Variants in TAFA2 observed in about 807,000 individuals in gnomAD.
TAFA2 encodes the protein TAFA chemokine like family member 2.
Under a neutral mutation model 18.8 loss-of-function variants are expected in TAFA2, and 7 were observed. The ratio of observed to expected loss-of-function variants is 0.37; its 90% CI spans 0.21 to 0.70. TAFA2 has a LOEUF of 0.70. Among genes scored for constraint, TAFA2 ranks in the 30% least tolerant of loss-of-function variants. The probability of loss-of-function intolerance (pLI) is 0.53; values close to 1 mark genes in which losing one functional copy is unlikely to be tolerated. For missense variants in TAFA2, 122 were observed against 158.1 expected, an observed-to-expected ratio of 0.77 and a Z score of 1.23; for synonymous variants, 60 against 54.2, an observed-to-expected ratio of 1.11 and a Z score of -0.47.
intron 1 of TAFA2, among the ~76,000 whole-genome samples, chr12:62,235,868 C>T (rs1033977458): frequency 6.6e-6 from 1 of 151,966 alleles, no homozygotes; most frequent in Non-Finnish European, 1.5e-5. Flanking sequence ...GGGTTCATGG[C>T]ACTGCACCCA....
chr12:61,866,834 A>G (rs1874374099), intron 2 of TAFA2, among the ~76,000 whole-genome samples: 1 of 152,216 alleles, frequency 6.6e-6, no homozygotes. Flanking sequence ...CACTTTCTTT[A>G]CCAGGATAAG....
intron 2 of TAFA2, among the ~76,000 whole-genome samples, chr12:61,806,980 C>A (rs1043494319): frequency 6.6e-6 from 1 of 152,098 alleles, no homozygotes; most frequent in South Asian, 2.1e-4. Flanking sequence ...CCTGATAATG[C>A]GATAGAAAAG....
At chr12:62,123,010 C>T (rs1870268906) in intron 1 of TAFA2, among the ~76,000 whole-genome samples, 1 of 152,178 alleles carries the variant, frequency 6.6e-6, no homozygotes, top group Non-Finnish European at 1.5e-5. Context: ...TTTCTAGGCT[C>T]TTCCAGCTAC....
intron 4 of TAFA2, among the ~76,000 whole-genome samples, chr12:61,746,253 C>T (rs10877732): frequency 0.34 from 52,168 of 151,890 alleles, 9,268 homozygotes; most frequent in Non-Finnish European, 0.39. Context: ...TCCATCCTGC[C>T]GCCCTGTGAA....
At chr12:62,030,050 C>G (rs1040904150) in intron 1 of TAFA2, among the ~76,000 whole-genome samples, 1 of 152,132 alleles carries the variant, frequency 6.6e-6, no homozygotes, top group African/African-American at 2.4e-5. Flanking sequence ...ACTACCTCTT[C>G]CATGAAGTCA....
At chr12:61,780,883 C>G (rs888756317) in intron 2 of TAFA2, among the ~76,000 whole-genome samples, 1 of 151,714 alleles carries the variant, frequency 6.6e-6, no homozygotes, top group African/African-American at 2.4e-5. Flanking sequence ...GTATCCAGTG[C>G]AATTTTTCTT....
intron 4 of TAFA2, among the ~76,000 whole-genome samples, chr12:61,729,447 T>C (rs1298903030): frequency 6.6e-6 from 1 of 151,880 alleles, no homozygotes; most frequent in Non-Finnish European, 1.5e-5. Flanking sequence ...TTTTGTCAGA[T>C]TGAGTTAATT....
chr12:61,968,454 T>C (rs1001528034), intron 1 of TAFA2, among the ~76,000 whole-genome samples: 1 of 151,732 alleles, frequency 6.6e-6, no homozygotes, highest in African/African-American at 2.4e-5. Context: ...CTTGATCATT[T>C]TAAAGCATTA....
At chr12:62,227,517 G>A (rs2062792337) in intron 1 of TAFA2, among the ~76,000 whole-genome samples, 1 of 152,098 alleles carries the variant, frequency 6.6e-6, no homozygotes, top group African/African-American at 2.4e-5. Context: ...ATGCATTCTG[G>A]TTATTACTCC....
At position 61,815,604 on chromosome 12, in the gene TAFA2, A is replaced by G. The variant is rs552889561; in HGVS notation, c.106+51716T>C. Among the ~76,000 whole-genome samples, 6 of 150,768 alleles carry G rather than the reference A, an allele frequency of 4.0e-5. No homozygotes were observed. The East Asian group carries it at 1.2e-3, about 29-fold the overall frequency. ...CGTGAACCCAGGAGGTGGAGCTTGCAGTGAGCCGAGATCGTGCCACTGCAC... is the reference window on the plus strand; with the variant it reads ...CGTGAACCCAGGAGGTGGAGCTTGCGGTGAGCCGAGATCGTGCCACTGCAC... On this transcript the variant is annotated intron_variant, in intron 2 of 4. Transcript: ENST00000416284.
chr12:62,106,596 A>C (rs1204162857), intron 1 of TAFA2, among the ~76,000 whole-genome samples: 1 of 152,198 alleles, frequency 6.6e-6, no homozygotes, highest in African/African-American at 2.4e-5. Flanking sequence ...AATTAAAAGA[A>C]AGCGTAGAAA....
intron 4 of TAFA2, among the ~76,000 whole-genome samples, chr12:61,719,898 T>C (rs1869821167): frequency 6.6e-6 from 1 of 152,204 alleles, no homozygotes; most frequent in Admixed American, 6.5e-5. Flanking sequence ...TCATCTTCCA[T>C]AGAATTAAGA....
chr12:61,779,232 A>ATG (rs1005312846), intron 2 of TAFA2, among the ~76,000 whole-genome samples: 6 of 151,682 alleles, frequency 4.0e-5, no homozygotes, highest in African/African-American at 1.2e-4. Context: ...GGAGGTAGTG[A>ATG]TGTGTGTGTG....
chr12:62,149,289 T>C (rs1233299694), intron 1 of TAFA2, among the ~76,000 whole-genome samples: 2 of 152,124 alleles, frequency 1.3e-5, no homozygotes, highest in Non-Finnish European at 2.9e-5. Context: ...GGATAAGACA[T>C]AGATCTAGGC....
At chr12:61,948,809 C>A in intron 1 of TAFA2, among the ~76,000 whole-genome samples, 1 of 152,142 alleles carries the variant, frequency 6.6e-6, no homozygotes. Flanking sequence ...GACACCTCAG[C>A]GTCTTAGCTC....
chr12:61,983,227 T>G (rs1278163604), intron 1 of TAFA2, among the ~76,000 whole-genome samples: 3 of 152,172 alleles, frequency 2.0e-5, no homozygotes, highest in East Asian at 3.9e-4. Context: ...CTCTCTCATT[T>G]TATACCCATA....
chr12:61,757,731 A>G (rs1256300807), intron 2 of TAFA2, among the ~76,000 whole-genome samples: 1 of 152,090 alleles, frequency 6.6e-6, no homozygotes, highest in Non-Finnish European at 1.5e-5. Flanking sequence ...TGTGTGAAGG[A>G]ATGAAGAAAT....
At chr12:62,222,848 CAAAG>C (rs2062769781) in intron 1 of TAFA2, among the ~76,000 whole-genome samples, 2 of 151,860 alleles carry the variant, frequency 1.3e-5, no homozygotes, top group South Asian at 4.2e-4. Context: ...GAACTGAAAA[CAAAG>C]AAATGCAATG....
At chr12:61,840,137 T>C (rs1409668551) in intron 2 of TAFA2, among the ~76,000 whole-genome samples, 1 of 152,068 alleles carries the variant, frequency 6.6e-6, no homozygotes, top group Non-Finnish European at 1.5e-5. Flanking sequence ...GGGGCAGTTA[T>C]TCAAAACTGA....
Sources: gnomAD v4.1 joint callset for allele counts (sites outside exome capture counted in the v4.1 genomes callset) on GRCh38, gnomAD v4.1.1 for gene constraint, MANE v1.5 for transcripts, NCBI Gene and HGNC (gene_info 2026-07-23, HGNC 2026-07-21) for gene names.